DPH6: variants seen among roughly 807,000 people sequenced by gnomAD.
The protein encoded by DPH6 is diphthamine biosynthesis 6, also known as diphthine--ammonia ligase.
A neutral mutation model predicts 38.2 loss-of-function variants in DPH6; 33 were observed. That is an observed-to-expected ratio of 0.86 (90% CI 0.65 to 1.15). DPH6 has a LOEUF of 1.15. Ranked by LOEUF, DPH6 falls within the 50% of genes most tolerant of loss-of-function variation. DPH6 has a pLI of 0.00. For synonymous variants in DPH6, 108 were observed against 103.0 expected (o/e 1.05, Z -0.30); for missense variants, 325 against 320.0 (o/e 1.02, Z -0.12).
At chr15:35,208,536 A>C in the DPH6 span, among the ~76,000 whole-genome samples, 5 of 152,310 alleles carry the variant, frequency 3.3e-5, no homozygotes, top group East Asian at 5.8e-4. Flanking sequence ...ACTCCAAAAA[A>C]GGTTTGCCAA....
intron 3 of DPH6, among the ~76,000 whole-genome samples, chr15:35,308,738 T>C (rs1225228319): frequency 6.6e-6 from 1 of 152,230 alleles, no homozygotes; most frequent in Non-Finnish European, 1.5e-5. Flanking sequence ...GCTTCTGTTA[T>C]TTGTACTTCT....
chr15:35,466,154 C>T (rs541581574), intron 3 of DPH6, among the ~76,000 whole-genome samples: 2 of 152,034 alleles, frequency 1.3e-5, no homozygotes, highest in Non-Finnish European at 2.9e-5. Flanking sequence ...AGTGATCCTG[C>T]CACTGGACCT....
intron 3 of DPH6, among the ~76,000 whole-genome samples, chr15:35,474,117 C>T (rs2054235825): frequency 6.6e-6 from 1 of 151,970 alleles, no homozygotes; most frequent in African/African-American, 2.4e-5. Flanking sequence ...GACTGTGTTG[C>T]CCATTCAATA....
chr15:35,502,317 G>A (rs1377954134), intron 3 of DPH6, among the ~76,000 whole-genome samples: 6 of 151,494 alleles, frequency 4.0e-5, no homozygotes, highest in Non-Finnish European at 7.4e-5. Flanking sequence ...TTTTCTCAAA[G>A]GCTAAAAAAA....
the DPH6 span, among the ~76,000 whole-genome samples, chr15:35,200,858 G>C: frequency 6.6e-6 from 1 of 151,162 alleles, no homozygotes; most frequent in African/African-American, 2.4e-5. Flanking sequence ...ATTGCTTTAA[G>C]GACCAAAGAG....
chr15:35,470,677 C>A (rs1221796326), intron 3 of DPH6, among the ~76,000 whole-genome samples: 1 of 152,086 alleles, frequency 6.6e-6, no homozygotes, highest in Non-Finnish European at 1.5e-5. Flanking sequence ...ATTTCCCAAT[C>A]CAGTCTTACT....
At chr15:35,296,040 C>T (rs1326748134) in intron 3 of DPH6, among the ~76,000 whole-genome samples, 4 of 151,866 alleles carry the variant, frequency 2.6e-5, no homozygotes, top group Non-Finnish European at 5.9e-5. Context: ...CCTGGGTTCA[C>T]GCCATTCTCT....
At chr15:35,435,077 A>C (rs1415093869) in intron 5 of DPH6, among the ~76,000 whole-genome samples, 2 of 152,000 alleles carry the variant, frequency 1.3e-5, no homozygotes, top group African/African-American at 4.8e-5. Flanking sequence ...CCTGGTCACT[A>C]ATGAGTTTTG....
At chr15:35,379,505 C>T (rs1419972132) in intron 7 of DPH6, among the ~76,000 whole-genome samples, 1 of 152,100 alleles carries the variant, frequency 6.6e-6, no homozygotes, top group African/African-American at 2.4e-5. Flanking sequence ...GAACTAAGCT[C>T]ATCTTTTAAT....
At chr15:35,179,852 A>C in the DPH6 span, among the ~76,000 whole-genome samples, 2 of 152,216 alleles carry the variant, frequency 1.3e-5, no homozygotes. Context: ...ATGCATGGCA[A>C]AGAACAGAAG....
At chr15:35,171,221 C>CACTGCA in the DPH6 span, among the ~76,000 whole-genome samples, 8 of 152,184 alleles carry the variant, frequency 5.3e-5, no homozygotes, top group Non-Finnish European at 1.0e-4. Context: ...GTTCGTCTGC[C>CACTGCA]ACTGCAGTGA....
chr15:35,255,458 A>T (rs2051701391), intron 3 of DPH6, among the ~76,000 whole-genome samples: 1 of 152,210 alleles, frequency 6.6e-6, no homozygotes, highest in African/African-American at 2.4e-5. Flanking sequence ...CAGCATGGAG[A>T]TATTCCTTTC....
chr15:35,190,310 C>T, the DPH6 span, among the ~76,000 whole-genome samples: 8 of 152,208 alleles, frequency 5.3e-5, no homozygotes, highest in African/African-American at 1.2e-4. Context: ...GCCAGCTCTT[C>T]GGAAGACCGG....
chr15:35,201,197 T>C, the DPH6 span, among the ~76,000 whole-genome samples: 1 of 151,686 alleles, frequency 6.6e-6, no homozygotes, highest in African/African-American at 2.4e-5. Context: ...TCATTCTTTT[T>C]TTCTCCCCAA....
At position 35,450,668 on chromosome 15, in the gene DPH6, A is replaced by G; in HGVS notation, c.505+17T>C. Reference sequence around the variant, plus strand: ...TATGTGGCAACAAACAGCTCCCTTGATAGTTTGGCTGCATACCCAAAGCTG... The same window carrying G: ...TATGTGGCAACAAACAGCTCCCTTGGTAGTTTGGCTGCATACCCAAAGCTG... On this transcript the variant is annotated intron_variant, in intron 5 of 8. Coordinates refer to ENST00000256538, the MANE Select transcript of DPH6 (RefSeq NM_080650.4). The G allele has an allele frequency of 6.3e-7, 1 of 1,597,008 alleles. No homozygotes were observed. Among genetic ancestry groups the G allele is most frequent in the South Asian group, 1.1e-5 (1 of 90,422 alleles).
At chr15:35,367,980 CTTA>C (rs2052675283), downstream of DPH6, among the ~76,000 whole-genome samples, 1 of 151,690 alleles carries the variant, frequency 6.6e-6, no homozygotes, top group Admixed American at 6.6e-5. Context: ...TTAAAAAGTT[CTTA>C]TTAGAACTAA....
chr15:35,414,767 A>G (rs559773382), intron 5 of DPH6, among the ~76,000 whole-genome samples: 21 of 146,454 alleles, frequency 1.4e-4, no homozygotes, highest in Non-Finnish European at 2.6e-4. Context: ...TCTCTCTTTG[A>G]CGTGACTAGC....
At chr15:35,153,765 T>C in the DPH6 span, among the ~76,000 whole-genome samples, 1 of 152,090 alleles carries the variant, frequency 6.6e-6, no homozygotes, top group Non-Finnish European at 1.5e-5. Context: ...ATAGGTAACA[T>C]AACATAAGCC....
chr15:35,198,951 C>G, the DPH6 span, among the ~76,000 whole-genome samples: 1 of 151,286 alleles, frequency 6.6e-6, no homozygotes. Flanking sequence ...GTTTCATTCA[C>G]TTTTGTTGCC....
Sources: allele counts gnomAD v4.1 joint callset (sites outside exome capture counted in the v4.1 genomes callset), GRCh38; gene constraint gnomAD v4.1.1; transcripts MANE v1.5; gene names NCBI Gene and HGNC (gene_info 2026-07-23, HGNC 2026-07-21).